PTPRG: variants seen among roughly 807,000 people sequenced by gnomAD.
The protein encoded by PTPRG is protein tyrosine phosphatase receptor type G.
Under a neutral mutation model 165.3 loss-of-function variants are expected in PTPRG, and 102 were observed. The ratio of observed to expected loss-of-function variants is 0.62; its 90% CI spans 0.53 to 0.73. The LOEUF (loss-of-function observed/expected upper bound fraction) is 0.73. Among genes scored for constraint, PTPRG ranks in the 30% least tolerant of loss-of-function variants. PTPRG has a pLI of 0.00. For missense variants in PTPRG, 1,866 were observed against 1,861.4 expected, an observed-to-expected ratio of 1.00 and a Z score of -0.05; for synonymous variants, 675 against 669.5, an observed-to-expected ratio of 1.01 and a Z score of -0.13.
At chr3:61,756,053 A>G (rs988843471) in intron 2 of PTPRG, among the ~76,000 whole-genome samples, 1 of 152,184 alleles carries the variant, frequency 6.6e-6, no homozygotes, top group South Asian at 2.1e-4. Flanking sequence ...GGAGAAGGCA[A>G]AATGAATTGT....
chr3:61,936,508 G>A (rs1448826267), intron 2 of PTPRG, among the ~76,000 whole-genome samples: 1 of 152,318 alleles, frequency 6.6e-6, no homozygotes, highest in East Asian at 1.9e-4. Flanking sequence ...AAGCCAGAAA[G>A]TAGTCACATT....
intron 1 of PTPRG, among the ~76,000 whole-genome samples, chr3:61,643,273 GAGAA>G (rs929277804): frequency 6.6e-6 from 1 of 150,410 alleles, no homozygotes; most frequent in South Asian, 2.1e-4. Flanking sequence ...GAGAGAGAGA[GAGAA>G]AGAGAGAGAG....
intron 1 of PTPRG, among the ~76,000 whole-genome samples, chr3:61,617,205 G>A (rs945851724): frequency 4.6e-5 from 7 of 152,230 alleles, no homozygotes; most frequent in Non-Finnish European, 7.3e-5. Context: ...AAAGTTGCCT[G>A]TAGAAGGACC....
chr3:62,121,755 A>G (rs770080062), intron 5 of PTPRG, among the ~76,000 whole-genome samples: 14 of 152,206 alleles, frequency 9.2e-5, no homozygotes, highest in African/African-American at 1.2e-4. Flanking sequence ...AAAGATCCTG[A>G]GCACAGTTGC....
In PTPRG at chr3:61,661,062, CT is replaced by C. The variant is rs915575844; in HGVS notation, c.86-87815del. On this transcript the variant is annotated intron_variant, in intron 1 of 29. Transcript: ENST00000474889. ...ACAGGTTTGGACACTTTTTCCCCCCCTAATTAAAAATTTTTTTTTTTTCTTT... is the reference window on the plus strand; with the variant it reads ...ACAGGTTTGGACACTTTTTCCCCCCCAATTAAAAATTTTTTTTTTTTCTTT... 1.8e-4 allele frequency among the ~76,000 whole-genome samples: 27 copies of C among 151,982 alleles called. No homozygotes were observed. In the East Asian group the frequency reaches 2.3e-3, roughly 13 times the overall value.
intron 2 of PTPRG, among the ~76,000 whole-genome samples, chr3:61,822,610 A>G (rs1006217850): frequency 5.3e-5 from 8 of 152,252 alleles, no homozygotes; most frequent in African/African-American, 1.2e-4. Context: ...TTTGAAGGAA[A>G]GGAGCTACAT....
intron 1 of PTPRG, among the ~76,000 whole-genome samples, chr3:61,585,480 T>C (rs778936171): frequency 6.7e-6 from 1 of 150,058 alleles, no homozygotes; most frequent in Non-Finnish European, 1.5e-5. Flanking sequence ...GTGTGGTGGC[T>C]CCCACCTAAA....
At chr3:61,634,307 G>A (rs535824912) in intron 1 of PTPRG, among the ~76,000 whole-genome samples, 51 of 151,530 alleles carry the variant, frequency 3.4e-4, no homozygotes, top group African/African-American at 1.2e-3. Flanking sequence ...GTGCGATCTC[G>A]GCTCACTGCA....
chr3:62,063,364 C>T (rs1050797672), intron 4 of PTPRG, among the ~76,000 whole-genome samples: 7 of 152,176 alleles, frequency 4.6e-5, no homozygotes, highest in Non-Finnish European at 1.0e-4. Context: ...CAGAAAATGC[C>T]TCTCTCTAAT....
chr3:61,693,281 T>A (rs1299013093), intron 1 of PTPRG, among the ~76,000 whole-genome samples: 3 of 152,156 alleles, frequency 2.0e-5, no homozygotes, highest in Admixed American at 2.0e-4. Context: ...TCCCATTAGG[T>A]TTTGTGATGG....
At chr3:61,954,233 T>G (rs1483267933) in intron 2 of PTPRG, among the ~76,000 whole-genome samples, 1 of 152,204 alleles carries the variant, frequency 6.6e-6, no homozygotes, top group African/African-American at 2.4e-5. Flanking sequence ...GTATGCATGG[T>G]TCCCTGTTAA....
intron 2 of PTPRG, among the ~76,000 whole-genome samples, chr3:61,836,086 TAC>T (rs149328761): frequency 6.1e-5 from 7 of 114,146 alleles, no homozygotes; most frequent in South Asian, 2.9e-4. Context: ...TATATATATA[TAC>T]ACACACACAC....
At chr3:62,130,938 A>ATTTT (rs56082401) in intron 5 of PTPRG, among the ~76,000 whole-genome samples, 2 of 148,004 alleles carry the variant, frequency 1.4e-5, no homozygotes, top group Non-Finnish European at 3.0e-5. Flanking sequence ...CTATTCACTG[A>ATTTT]TTTTTTTTTT....
At chr3:62,044,260 C>T (rs754899902) in intron 4 of PTPRG, among the ~76,000 whole-genome samples, 8 of 152,148 alleles carry the variant, frequency 5.3e-5, no homozygotes, top group African/African-American at 7.2e-5. Context: ...GGCTCTTGGC[C>T]GGGTGTGGTG....
chr3:61,652,984 C>CAG (rs1273854435), intron 1 of PTPRG, among the ~76,000 whole-genome samples: 1 of 152,194 alleles, frequency 6.6e-6, no homozygotes, highest in Non-Finnish European at 1.5e-5. Flanking sequence ...CTACAACCAC[C>CAG]AGATATCATG....
intron 13 of PTPRG, among the ~76,000 whole-genome samples, chr3:62,220,072 G>C (rs1700614392): frequency 6.6e-6 from 1 of 152,210 alleles, no homozygotes; most frequent in Admixed American, 6.5e-5. Context: ...GTTCCAAGTA[G>C]AGGAAACAGC....
intron 5 of PTPRG, among the ~76,000 whole-genome samples, chr3:62,099,991 G>T (rs1559504981): frequency 6.6e-6 from 1 of 151,754 alleles, no homozygotes; most frequent in African/African-American, 2.4e-5. Flanking sequence ...TAGAGACAGG[G>T]TTTCACCATG....
chr3:61,796,238 T>C (rs2035040050), intron 2 of PTPRG, among the ~76,000 whole-genome samples: 1 of 152,174 alleles, frequency 6.6e-6, no homozygotes, highest in Non-Finnish European at 1.5e-5. Flanking sequence ...TGTTAATCCA[T>C]TAGTCCACAC....
At chr3:62,021,753 T>C (rs1427198361) in intron 4 of PTPRG, among the ~76,000 whole-genome samples, 1 of 152,126 alleles carries the variant, frequency 6.6e-6, no homozygotes, top group African/African-American at 2.4e-5. Context: ...ATAATAATAG[T>C]GACTTTCTCT....
Sources: gnomAD v4.1 joint callset for allele counts (sites outside exome capture counted in the v4.1 genomes callset) on GRCh38, gnomAD v4.1.1 for gene constraint, MANE v1.5 for transcripts, NCBI Gene and HGNC (gene_info 2026-07-23, HGNC 2026-07-21) for gene names.